Variants in MYO5C observed in about 807,000 individuals in gnomAD.
MYO5C encodes the protein unconventional myosin-Vc.
A neutral mutation model predicts 235.7 loss-of-function variants in MYO5C; 194 were observed. That is an observed-to-expected ratio of 0.82 (90% CI 0.73 to 0.93). The LOEUF is 0.93. MYO5C is among the 40% of genes least tolerant of loss of function. The pLI is 0.00. For synonymous variants in MYO5C, 707 were observed against 754.8 expected (o/e 0.94, Z 1.04); for missense variants, 2,038 against 2,127.2 (o/e 0.96, Z 0.82).
intron 30 of MYO5C, 77 bp from the exon 31 acceptor site, chr15:52,219,899 A>C: frequency 8.7e-7 from 1 of 1,151,830 alleles, no homozygotes; most frequent in South Asian, 1.3e-5. Context: ...TATTATTTTC[A>C]ATTTTTAGAG....
At chr15:52,225,231 G>A (rs1251244850) in intron 26 of MYO5C, 93 bp from the exon 27 acceptor site, 2 of 1,380,712 alleles carry the variant, frequency 1.4e-6, no homozygotes, top group Non-Finnish European at 1.0e-6. Context: ...TAGCTTCACA[G>A]TCTCCAGCTA....
intron 38 of MYO5C, 109 bp from the exon 39 acceptor site, chr15:52,196,592 C>T (rs1296985786): frequency 4.0e-6 from 4 of 1,000,534 alleles, no homozygotes; most frequent in African/African-American, 3.2e-5. Flanking sequence ...GACCACAGCT[C>T]AGCAGTTACT....
chr15:52,286,653 G>A (rs1646707052), intron 1 of MYO5C, among the ~76,000 whole-genome samples: 1 of 152,074 alleles, frequency 6.6e-6, no homozygotes, highest in South Asian at 2.1e-4. Context: ...CCAACCCTGT[G>A]CTCTCTGAAA....
At chr15:52,286,869 C>T (rs886773365) in intron 1 of MYO5C, among the ~76,000 whole-genome samples, 2 of 151,032 alleles carry the variant, frequency 1.3e-5, no homozygotes, top group Non-Finnish European at 2.9e-5. Context: ...ATCTGCTGAC[C>T]TTCCCTCCAC....
chr15:52,213,123 T>G, intron 34 of MYO5C, 65 bp downstream of exon 34: 1 of 1,228,060 alleles, frequency 8.1e-7, no homozygotes, highest in Non-Finnish European at 1.2e-6. Context: ...CCCAGGACTT[T>G]GGCACTGACT....
intron 4 of MYO5C, 150 bp from the exon 5 acceptor site, chr15:52,275,868 T>C (rs2037038136): frequency 2.6e-6 from 2 of 781,202 alleles, no homozygotes; most frequent in Non-Finnish European, 2.0e-6. Context: ...TCTAGATTTT[T>C]TTTTCTATGT....
intron 22 of MYO5C, among the ~76,000 whole-genome samples, chr15:52,236,560 C>T (rs139583864): frequency 6.2e-4 from 95 of 152,264 alleles, no homozygotes; most frequent in Middle Eastern, 3.4e-3. Flanking sequence ...CCTGTAATCC[C>T]AGCTACTCGG....
chr15:52,284,882 C>T (rs571121464), intron 1 of MYO5C, among the ~76,000 whole-genome samples: 2 of 150,122 alleles, frequency 1.3e-5, no homozygotes, highest in South Asian at 2.1e-4. Context: ...TTTTGTGGCC[C>T]AGGCTGGAGT....
intron 20 of MYO5C, among the ~76,000 whole-genome samples, chr15:52,241,642 G>A (rs1040728682): frequency 6.6e-6 from 1 of 152,024 alleles, no homozygotes; most frequent in Non-Finnish European, 1.5e-5. Flanking sequence ...CTGTCTGTTA[G>A]GTGCACATTA....
rs929009568 is a variant in MYO5C at position 52,266,338 on chromosome 15, A to G, written c.941-2042T>C. 2.6e-5 allele frequency among the ~76,000 whole-genome samples: 4 copies of G among 152,206 alleles called. No homozygotes were observed. In the East Asian group the frequency reaches 7.7e-4, roughly 29 times the overall value. The stretch of plus-strand genomic sequence containing the variant: ...CTGATTCCAAGGTGTTCGTCCCATC[A>G]GAGGGCAAGGATCATAGCAACACTC... On this transcript the variant is annotated intron_variant, in intron 8 of 40. Transcript: ENST00000261839.
chr15:52,249,464 AC>A (rs2036425469), intron 13 of MYO5C, among the ~76,000 whole-genome samples: 2 of 152,206 alleles, frequency 1.3e-5, no homozygotes, highest in Non-Finnish European at 2.9e-5. Flanking sequence ...TAAATTAAAA[AC>A]GTATATTAAA....
At chr15:52,289,467 G>A (rs2037344196) in intron 1 of MYO5C, among the ~76,000 whole-genome samples, 2 of 152,268 alleles carry the variant, frequency 1.3e-5, no homozygotes, top group East Asian at 3.9e-4. Flanking sequence ...CAGAAGCCTG[G>A]GACAGTGCTG....
At chr15:52,252,083 T>C (rs2036484908) in intron 12 of MYO5C, among the ~76,000 whole-genome samples, 1 of 152,194 alleles carries the variant, frequency 6.6e-6, no homozygotes, top group Non-Finnish European at 1.5e-5. Context: ...TGTGGGGTAT[T>C]TGATGTGATA....
At position 52,245,339 on chromosome 15, in the gene MYO5C, G is replaced by C. The variant is rs373396798; in HGVS notation, c.2178+15C>G. 2.0e-5 allele frequency: 31 copies of C among 1,537,548 alleles called. No homozygotes were observed. The highest frequency in any genetic ancestry group is 2.5e-5 in the Non-Finnish European group (28 of 1,110,258). On this transcript the variant is annotated intron_variant, in intron 18 of 40. Transcript: ENST00000261839. ...CAGGAAGGAGACCATGATCCCAGGAGGTGGGGAAACTGACCTGGATGAGTC... is the reference window on the plus strand; with the variant it reads ...CAGGAAGGAGACCATGATCCCAGGACGTGGGGAAACTGACCTGGATGAGTC...
chr15:52,215,928 A>G (rs556737991), intron 32 of MYO5C, among the ~76,000 whole-genome samples: 1 of 152,184 alleles, frequency 6.6e-6, no homozygotes, highest in South Asian at 2.1e-4. Flanking sequence ...TTAGGTATGC[A>G]TTTCTCTCCT....
intron 21 of MYO5C, 51 bp from the exon 22 acceptor site, chr15:52,237,697 T>G: frequency 6.4e-7 from 1 of 1,555,430 alleles, no homozygotes; most frequent in Non-Finnish European, 8.7e-7. Flanking sequence ...ACAAAGATGC[T>G]GTTCCATTTA....
chr15:52,202,928 G>GTTT (rs67608739), intron 38 of MYO5C, among the ~76,000 whole-genome samples: 140 of 146,060 alleles, frequency 9.6e-4, no homozygotes, highest in Non-Finnish European at 1.2e-3. Flanking sequence ...ATTTTTTTTT[G>GTTT]TTTTTTTTTT....
intron 10 of MYO5C, among the ~76,000 whole-genome samples, chr15:52,258,685 G>A (rs2036629946): frequency 6.6e-6 from 1 of 152,220 alleles, no homozygotes; most frequent in African/African-American, 2.4e-5. Context: ...CCAGGCTGCA[G>A]CCCTGCTGCC....
rs763642266 is a variant in MYO5C at position 52,205,097 on chromosome 15, G to C, written c.4588C>G (p.Pro1530Ala). 2.1e-5 allele frequency: 34 copies of C among 1,614,084 alleles called. No homozygotes were observed. The highest frequency in any genetic ancestry group is 2.8e-5 in the Non-Finnish European group (33 of 1,180,054). ...ESLQGISGLK[P>A]TGFRKRSSSI... Reference sequence around the variant, plus strand: ...GAGGAGCGCTTCCGGAAGCCTGTGGGCTTCAGGCCGGAAATGCCCTGCAGG... The same window carrying C: ...GAGGAGCGCTTCCGGAAGCCTGTGGCCTTCAGGCCGGAAATGCCCTGCAGG... Residue 1530 changes from proline (P) to alanine (A), a missense_variant, in exon 38 of 41, where the codon CCC becomes GCC. Physicochemically the swap from Pro to Ala is conservative, Grantham distance 27. Coordinates refer to ENST00000261839, the MANE Select transcript of MYO5C (RefSeq NM_018728.4).
Sources: allele counts gnomAD v4.1 joint callset (sites outside exome capture counted in the v4.1 genomes callset), GRCh38; gene constraint gnomAD v4.1.1; transcripts MANE v1.5; gene names NCBI Gene and HGNC (gene_info 2026-07-23, HGNC 2026-07-21).